ZFPM2: variants seen among roughly 807,000 people sequenced by gnomAD.
ZFPM2 encodes the protein zinc finger protein ZFPM2.
A neutral mutation model predicts 98.6 loss-of-function variants in ZFPM2; 20 were observed. The observed-to-expected ratio is 0.20, with a 90% confidence interval of 0.14 to 0.29. The LOEUF (loss-of-function observed/expected upper bound fraction) is 0.29, where lower values mean the gene tolerates loss of function less well. Ranked by LOEUF, ZFPM2 falls within the 10% of genes least tolerant of loss-of-function variation. The probability of loss-of-function intolerance (pLI) is 1.00; values close to 1 mark genes in which losing one functional copy is unlikely to be tolerated. For missense variants in ZFPM2, 1,310 were observed against 1,388.6 expected (o/e 0.94, Z 0.90); for synonymous variants, 518 against 502.7 (o/e 1.03, Z -0.41).
chr8:105,798,183 C>G (rs1473546229), intron 6 of ZFPM2: 1 of 152,404 alleles, frequency 6.6e-6, no homozygotes, highest in Non-Finnish European at 1.5e-5. Flanking sequence ...CAGGCAGTGG[C>G]TTACACCTGT....
chr8:105,325,697 A>C (rs1045731803), intron 1 of ZFPM2, among the ~76,000 whole-genome samples: 1 of 151,772 alleles, frequency 6.6e-6, no homozygotes, highest in African/African-American at 2.4e-5. Flanking sequence ...CTGAATTCCA[A>C]TCACAAGGGA....
chr8:105,325,993 T>A (rs1020554945), intron 1 of ZFPM2, among the ~76,000 whole-genome samples: 3 of 151,758 alleles, frequency 2.0e-5, no homozygotes, highest in Admixed American at 2.0e-4. Context: ...TCAACTGTAT[T>A]TAGAAAGTAT....
intron 5 of ZFPM2, among the ~76,000 whole-genome samples, chr8:105,728,251 T>G (rs1186723410): frequency 1.3e-5 from 2 of 151,682 alleles, no homozygotes; most frequent in African/African-American, 4.8e-5. Context: ...CTAGAGAGAT[T>G]TTATTTCCAG....
chr8:105,379,821 A>G (rs1810808679), intron 1 of ZFPM2, among the ~76,000 whole-genome samples: 1 of 152,042 alleles, frequency 6.6e-6, no homozygotes, highest in African/African-American at 2.4e-5. Flanking sequence ...CATGGTATAG[A>G]CCAATATTAA....
chr8:105,417,871 G>GA (rs2130072694), intron 1 of ZFPM2, among the ~76,000 whole-genome samples: 1 of 152,074 alleles, frequency 6.6e-6, no homozygotes, highest in South Asian at 2.1e-4. Flanking sequence ...TTGCTCTTTT[G>GA]AAAAAGGAAA....
At chr8:105,517,741 A>ACACACACACACC (rs1479862745) in intron 3 of ZFPM2, among the ~76,000 whole-genome samples, 28 of 141,508 alleles carry the variant, frequency 2.0e-4, no homozygotes, top group African/African-American at 6.6e-4. Context: ...ACACACACAC[A>ACACACACACACC]CCCCTAGTTG....
At chr8:105,326,315 C>A (rs554356599) in intron 1 of ZFPM2, among the ~76,000 whole-genome samples, 7 of 151,664 alleles carry the variant, frequency 4.6e-5, no homozygotes, top group Admixed American at 1.3e-4. Context: ...AAAATCAGAT[C>A]ATTGGAAATT....
chr8:105,409,581 C>G (rs1811535905), intron 1 of ZFPM2, among the ~76,000 whole-genome samples: 1 of 151,898 alleles, frequency 6.6e-6, no homozygotes, highest in Non-Finnish European at 1.5e-5. Context: ...CAAAGTGTCT[C>G]TCCATAATTG....
chr8:105,727,890 GA>G (rs2131008572), intron 5 of ZFPM2, among the ~76,000 whole-genome samples: 1 of 151,282 alleles, frequency 6.6e-6, no homozygotes, highest in Admixed American at 6.6e-5. Context: ...GCAGACAAAG[GA>G]AGGAGGCTAT....
rs1039706904 is a variant in ZFPM2, at chr8:105,620,892, T to A, written c.421-13354T>A. 3.3e-5 allele frequency among the ~76,000 whole-genome samples: 5 copies of A among 152,174 alleles called. No individual in the cohort carries two copies. The South Asian group carries it at 6.2e-4, about 19-fold the overall frequency. On this transcript the variant is annotated intron_variant, in intron 4 of 7. Transcript: ENST00000407775. ...CTCTGTTGTGTTCCATTGGTCTATA[T>A]CTCTGTTTTGGTACCAGTACCATGC...
At chr8:105,513,530 C>T (rs771094616) in intron 3 of ZFPM2, among the ~76,000 whole-genome samples, 2 of 152,126 alleles carry the variant, frequency 1.3e-5, no homozygotes, top group Non-Finnish European at 2.9e-5. Flanking sequence ...AACTGGAGAG[C>T]TCTTCTATTG....
At chr8:105,399,150 T>C (rs975069791) in intron 1 of ZFPM2, among the ~76,000 whole-genome samples, 1 of 152,228 alleles carries the variant, frequency 6.6e-6, no homozygotes, top group African/African-American at 2.4e-5. Flanking sequence ...CTGGTTCTTT[T>C]GTAGGAGTTT....
rs541938993 is a variant in ZFPM2, at chr8:105,509,395, A to G, written c.302-51968A>G. The stretch of plus-strand genomic sequence containing the variant: ...TCATTTGTTTTATGACAGTGCTCAG[A>G]TCGGTAGCTGTTGACCTTTCACCCT... On this transcript the variant is annotated intron_variant, in intron 3 of 7. Coordinates refer to ENST00000407775, the MANE Select transcript of ZFPM2 (RefSeq NM_012082.4). Among the ~76,000 whole-genome samples, 7 of 152,276 alleles carry G rather than the reference A, an allele frequency of 4.6e-5. No individual in the cohort carries two copies. In the South Asian group the frequency reaches 8.3e-4, roughly 18 times the overall value.
intron 4 of ZFPM2, among the ~76,000 whole-genome samples, chr8:105,606,474 A>C (rs1816200088): frequency 1.3e-5 from 2 of 152,020 alleles, no homozygotes; most frequent in South Asian, 4.1e-4. Context: ...GCTCTGGGCC[A>C]CTTTACCTTT....
intron 5 of ZFPM2, among the ~76,000 whole-genome samples, chr8:105,782,661 T>C (rs1290259390): frequency 6.6e-6 from 1 of 152,126 alleles, no homozygotes; most frequent in Non-Finnish European, 1.5e-5. Context: ...GTTTTTTACT[T>C]GTATTATTCT....
intron 3 of ZFPM2, among the ~76,000 whole-genome samples, chr8:105,514,741 T>A (rs1394043920): frequency 6.6e-6 from 1 of 152,224 alleles, no homozygotes; most frequent in Non-Finnish European, 1.5e-5. Flanking sequence ...ACCTATGCTC[T>A]TCTTTACAGC....
chr8:105,780,171 T>C (rs1813207549), intron 5 of ZFPM2: 1 of 151,976 alleles, frequency 6.6e-6, no homozygotes, highest in Admixed American at 6.6e-5. Context: ...CTGAGGAGAG[T>C]GACTATGTTT....
intron 3 of ZFPM2, among the ~76,000 whole-genome samples, chr8:105,532,928 G>C (rs933877664): frequency 4.6e-5 from 7 of 152,124 alleles, no homozygotes; most frequent in Admixed American, 3.9e-4. Flanking sequence ...GAAGATTTGT[G>C]AGTGCACCTG....
At chr8:105,686,475 G>A (rs1357462796) in intron 5 of ZFPM2, among the ~76,000 whole-genome samples, 2 of 152,058 alleles carry the variant, frequency 1.3e-5, no homozygotes, top group African/African-American at 4.8e-5. Context: ...TTAAGTTCAT[G>A]TGAGGGCATC....
Sources: allele counts gnomAD v4.1 joint callset (sites outside exome capture counted in the v4.1 genomes callset), GRCh38; gene constraint gnomAD v4.1.1; transcripts MANE v1.5; gene names NCBI Gene and HGNC (gene_info 2026-07-23, HGNC 2026-07-21).